ERCC5: variants seen among roughly 807,000 people sequenced by gnomAD.
The protein encoded by ERCC5 is DNA excision repair protein ERCC-5.
In ERCC5, 68 loss-of-function variants were observed where a neutral mutation model predicts 105.6. That is an observed-to-expected ratio of 0.64 (90% confidence interval 0.53 to 0.79). The LOEUF (loss-of-function observed/expected upper bound fraction) is 0.79. Among genes scored for constraint, ERCC5 ranks in the 30% least tolerant of loss-of-function variants. ERCC5 has a pLI of 0.00. For synonymous variants in ERCC5, 546 were observed against 526.2 expected (o/e 1.04, Z -0.51); for missense variants, 1,373 against 1,426.7 (o/e 0.96, Z 0.61).
In ERCC5 at chr13:102,866,650, G is replaced by T. The variant is rs1319701065; in HGVS notation, c.2338G>T (p.Gly780Cys). 6.2e-7 allele frequency: 1 copy of T among 1,613,488 alleles called. No individual in the cohort carries two copies. The highest frequency in any genetic ancestry group is 1.3e-5 in the African/African-American group (1 of 74,936). ...TCTGCAGGAACTCCTGCGCCTGTTC[G>T]GCATTCCCTACATCCAGGCTCCCAT... The part of the protein sequence containing the change: ...LESQELLRLF[G>C]IPYIQAPMEA... Residue 780 changes from glycine (G) to cysteine (C), a missense_variant, in exon 11 of 15, where the codon GGC becomes TGC. Transcript: ENST00000652225.
intron 7 of ERCC5, 82 bp from the exon 8 acceptor site, chr13:102,861,948 A>G: frequency 9.9e-6 from 15 of 1,520,378 alleles, no homozygotes; most frequent in Non-Finnish European, 1.4e-5. Flanking sequence ...TATGAGAACC[A>G]GTGTTCTCTT....
At chr13:102,859,326 A>G (rs1882539545) in intron 6 of ERCC5, among the ~76,000 whole-genome samples, 1 of 152,270 alleles carries the variant, frequency 6.6e-6, no homozygotes, top group African/African-American at 2.4e-5. Context: ...TAGCAGAAAT[A>G]TGAAAAAGGA....
At position 102,865,688 on chromosome 13, in the gene ERCC5, G is replaced by A. The variant is rs1595385739; in HGVS notation, c.1976G>A (p.Ser659Asn). 1 of 1,613,828 alleles carries A rather than the reference G, an allele frequency of 6.2e-7. No individual in the cohort carries two copies. Reference sequence around the variant, plus strand: ...ACAGGAAGTTTCATTGAAGTGCAAAGTGTGATTAGTGATGAGGAACTTCAA... The same window carrying A: ...ACAGGAAGTTTCATTGAAGTGCAAAATGTGATTAGTGATGAGGAACTTCAA... ...ESDGSFIEVQ[S>N]VISDEELQAE... is the part of the protein sequence containing the mutation. The change falls in exon 9 of 15, where the codon AGT becomes AAT. Residue 659 changes from serine (S) to asparagine (N), a missense_variant. Ser to Asn is a conservative substitution (Grantham distance 46, BLOSUM62 1). Transcript: ENST00000652225. This position sits in a 1 kb window ranked among gnomAD's most constrained non-coding sequence, Gnocchi z 4.0.
intron 12 of ERCC5, among the ~76,000 whole-genome samples, chr13:102,870,685 A>T (rs4150352): frequency 0.025 from 3,771 of 152,130 alleles, 164 homozygotes; most frequent in African/African-American, 0.086. Context: ...AAGAAAAATT[A>T]TTTTTTCCTT....
rs1490181232 is a variant in ERCC5 at position 102,872,256 on chromosome 13, A to G, written c.2737A>G (p.Lys913Glu). The change falls in exon 13 of 15, where the codon AAA becomes GAA. Residue 913 changes from lysine to glutamate, a missense_variant. Transcript: ENST00000652225. ...GATAAGACCTAATCCTCATGACACC[A>G]AAGTGAAAAAAAAATTACGGACATT... ...PKIRPNPHDTKVKKKLRTLQL... is the reference protein window; with the variant it reads ...PKIRPNPHDTEVKKKLRTLQL... 1 of 1,614,064 alleles carries G rather than the reference A, an allele frequency of 6.2e-7. No homozygotes were observed. Among genetic ancestry groups the G allele is most frequent in the Non-Finnish European group, 8.5e-7 (1 of 1,180,042 alleles).
At position 102,862,832 on chromosome 13, in the gene ERCC5, T is replaced by A; in HGVS notation, c.1683T>A (p.Leu561=). The A allele has an allele frequency of 6.2e-7, 1 of 1,614,240 alleles. No individual in the cohort carries two copies. The highest frequency in any genetic ancestry group is 8.5e-7 in the Non-Finnish European group (1 of 1,180,042). ...AGAGTAAATTCGATTCTTCTCTTCT[T>A]TCAAGTGATGATGAAACAAAATGTA... ...PYESKFDSSL[L]SSDDETKCKP... Residue 561 remains leucine, a synonymous_variant, in exon 8 of 15, where the codon CTT becomes CTA. Transcript: ENST00000652225.
intron 5 of ERCC5, among the ~76,000 whole-genome samples, chr13:102,856,512 A>G (rs1882426156): frequency 6.6e-6 from 1 of 152,186 alleles, no homozygotes; most frequent in South Asian, 2.1e-4. Context: ...GTATTTGTAT[A>G]TATGTATCAA....
At chr13:102,854,058 G>C in intron 3 of ERCC5, 186 bp downstream of exon 3, 1 of 731,322 alleles carries the variant, frequency 1.4e-6, no homozygotes. Context: ...CGTTCTGTGA[G>C]AATCAACTTT....
Position 102,873,332 on chromosome 13 carries a change from G to A in ERCC5, c.2953G>A (p.Asp985Asn), listed in dbSNP as rs748797643. Residue 985 changes from aspartate to asparagine, a missense_variant, in exon 14 of 15, where the codon GAT (aspartate) becomes AAT (asparagine). Around this residue, in one of 3 missense-constraint regions of ERCC5, gnomAD observed 367 missense variants for 350.2 expected, o/e 1.05. Coordinates refer to ENST00000652225, the MANE Select transcript of ERCC5 (RefSeq NM_000123.4). ...ESLFPVLKQL[D>N]AQQTQLRIDS... ...TCTGTTTCCTGTATTAAAGCAACTC[G>A]ATGCCCAGCAGGTAATCATGGTGGA... 3.2e-5 allele frequency: 51 copies of A among 1,613,968 alleles called. No homozygotes were observed. The Middle Eastern group carries it at 6.6e-4, about 21-fold the overall frequency.
intron 11 of ERCC5, 130 bp downstream of exon 11, chr13:102,866,975 A>ATTT: frequency 1.0e-6 from 1 of 956,042 alleles, no homozygotes; most frequent in Non-Finnish European, 1.6e-6. Flanking sequence ...TTTTTATATG[A>ATTT]GTGATCTTTG....
At position 102,872,360 on chromosome 13, in the gene ERCC5, C is replaced by T. The variant is rs1883063953; in HGVS notation, c.2841C>T (p.Ser947=). Residue 947 remains serine, a synonymous_variant, in exon 13 of 15, where the codon TCC becomes TCT. Transcript: ENST00000652225. ...CCGTGGTGGATGACTCGAAGGGATC[C>T]TTTCTGTGGGGGAAACCTGATCTCG... The part of the protein sequence containing the change: ...LKPVVDDSKG[S]FLWGKPDLDK... The T allele has an allele frequency of 6.2e-7, 1 of 1,614,186 alleles. No homozygotes were observed.
At chr13:102,873,198 T>A (rs963155971) in intron 13 of ERCC5, 61 bp from the exon 14 acceptor site, 5 of 1,605,328 alleles carry the variant, frequency 3.1e-6, no homozygotes, top group Non-Finnish European at 3.4e-6. Context: ...TCTTTGGACC[T>A]TTTTATTTGT....
chr13:102,866,173 A>G (rs1374607474), intron 9 of ERCC5, 89 bp from the exon 10 acceptor site: 1 of 1,578,888 alleles, frequency 6.3e-7, no homozygotes, highest in East Asian at 2.2e-5. Context: ...GCTTATTGGT[A>G]ATTTCAGTCA....
At position 102,863,052 on chromosome 13, in the gene ERCC5, C is replaced by T. The variant is rs1021898368; in HGVS notation, c.1903C>T (p.Pro635Ser). Residue 635 changes from proline to serine, a missense_variant, in exon 8 of 15, where the codon CCA becomes TCA. Pro to Ser is a moderately conservative substitution (Grantham distance 74). This residue lies in a region of ERCC5 where 1,004 missense variants were observed against 1,059.7 expected (regional missense o/e 0.95). Transcript: ENST00000652225. The part of the protein sequence containing the change: ...ESAGQDLISI[P>S]KAVEPMEIDS... ...TGCAGGCCAGGATTTAATTTCCATT[C>T]CAAAGGCCGTGGAACCAATGGAAAT... is the stretch of plus-strand genomic sequence containing the variant. The T allele has an allele frequency of 6.2e-7, 1 of 1,614,120 alleles. No homozygotes were observed. The highest frequency in any genetic ancestry group is 1.3e-5 in the African/African-American group (1 of 75,044).
chr13:102,858,845 A>G (rs1479982790), intron 6 of ERCC5: 9 of 454,494 alleles, frequency 2.0e-5, no homozygotes, highest in African/African-American at 1.2e-4. Flanking sequence ...TACATTGTCT[A>G]TAAAAACTAA....
At chr13:102,871,728 T>C (rs1883040800) in intron 12 of ERCC5, among the ~76,000 whole-genome samples, 1 of 152,196 alleles carries the variant, frequency 6.6e-6, no homozygotes, top group African/African-American at 2.4e-5. Flanking sequence ...TTATTAAATA[T>C]TCTTCGATCC....
At position 102,866,605 on chromosome 13, in the gene ERCC5, C is replaced by T. The variant is rs766604061; in HGVS notation, c.2320-27C>T. On this transcript the variant is annotated intron_variant, in intron 10 of 14. Coordinates refer to ENST00000652225, the MANE Select transcript of ERCC5 (RefSeq NM_000123.4). ...GGGCCTGGCGGTGCCCTTCCCTGGG[C>T]GTCACTGTGTACCCCTCACTCTGCA... 110 of 1,611,480 alleles carry T rather than the reference C, an allele frequency of 6.8e-5. No homozygotes were observed. In the Middle Eastern group the frequency reaches 8.3e-4, roughly 12 times the overall value.
intron 6 of ERCC5, chr13:102,858,909 A>G (rs1350571622): frequency 6.6e-6 from 3 of 455,950 alleles, no homozygotes; most frequent in African/African-American, 2.0e-5. Context: ...TTGAAATTCC[A>G]GGTATATCTT....
rs755253596 is a variant in ERCC5 at position 102,866,704 on chromosome 13, G to A, written c.2392G>A (p.Asp798Asn). 1.2e-6 allele frequency: 2 copies of A among 1,614,234 alleles called. No homozygotes were observed. Among genetic ancestry groups the A allele is most frequent in the Admixed American group, 3.3e-5 (2 of 60,028 alleles). The change falls in exon 11 of 15, where the codon GAC (aspartate) becomes AAC (asparagine). Residue 798 changes from aspartate to asparagine, a missense_variant. Asp to Asn is a conservative substitution (Grantham distance 23, BLOSUM62 1). Transcript: ENST00000652225. Reference sequence around the variant, plus strand: ...AGCAGAGGCGCAGTGCGCCATCCTGGACCTGACTGATCAGACTTCCGGAAC... The same window carrying A: ...AGCAGAGGCGCAGTGCGCCATCCTGAACCTGACTGATCAGACTTCCGGAAC... ...MEAEAQCAIL[D>N]LTDQTSGTIT...
Sources: gnomAD v4.1 joint callset for allele counts (sites outside exome capture counted in the v4.1 genomes callset) on GRCh38, gnomAD v4.1.1 for gene constraint, gnomAD v4.1.1 regional missense constraint, Gnocchi (gnomAD v3.1) non-coding constraint, MANE v1.5 for transcripts, NCBI Gene and HGNC (gene_info 2026-07-23, HGNC 2026-07-21) for gene names.